Variants in LRRN1 observed in about 807,000 individuals in gnomAD.
LRRN1 encodes leucine-rich repeat neuronal protein 1.
Under a neutral mutation model 45.8 loss-of-function variants are expected in LRRN1, and 14 were observed. The observed-to-expected ratio is 0.31, with a 90% CI of 0.20 to 0.48. LRRN1 has a LOEUF of 0.48. LRRN1 is among the 20% of genes least tolerant of loss of function. The probability of loss-of-function intolerance (pLI) is 0.99; values close to 1 mark genes in which losing one functional copy is unlikely to be tolerated. For synonymous variants in LRRN1, 359 were observed against 330.1 expected (o/e 1.09, Z -0.95); for missense variants, 789 against 874.2 (o/e 0.90, Z 1.23).
At chr3:3,801,574 C>G (rs914242629) in intron 1 of LRRN1, among the ~76,000 whole-genome samples, 1 of 152,162 alleles carries the variant, frequency 6.6e-6, no homozygotes, top group Non-Finnish European at 1.5e-5. Context: ...TGGCAGATGT[C>G]TGGCCTCATC....
At chr3:3,828,310 A>G (rs1693275721) in intron 1 of LRRN1, among the ~76,000 whole-genome samples, 2 of 152,074 alleles carry the variant, frequency 1.3e-5, no homozygotes. Flanking sequence ...CTGATGTTCC[A>G]GGGCAGGAAG....
At chr3:3,839,367 C>A (rs533853211) in intron 1 of LRRN1, among the ~76,000 whole-genome samples, 7 of 152,114 alleles carry the variant, frequency 4.6e-5, no homozygotes, top group Admixed American at 1.3e-4. Context: ...GCCTTTATGT[C>A]AGTACCACAC....
intron 1 of LRRN1, among the ~76,000 whole-genome samples, chr3:3,840,533 TA>T (rs1230810136): frequency 1.7e-4 from 26 of 152,186 alleles, no homozygotes; most frequent in Non-Finnish European, 3.7e-4. Context: ...AATGTCACAT[TA>T]AAAAAGTTTG....
Position 3,846,937 on chromosome 3 carries a change from T to G in LRRN1, c.*145T>G. 1 of 665,022 alleles carries G rather than the reference T, an allele frequency of 1.5e-6. No homozygotes were observed. The highest frequency in any genetic ancestry group is 3.4e-4 in the Middle Eastern group (1 of 2,926). The allele number at this position is 665,022 out of a possible 1,614,324, so 41.2% of individuals were successfully genotyped here. A position where few individuals can be genotyped will look rare whatever the true frequency, so the allele number is the denominator to read the frequency against. ...AGAGGACGGGTGGATATTTCAAATT[T>G]TTTTAGTATAGCGTATCGCAAGGGT... On this transcript the variant is annotated 3_prime_UTR_variant, in exon 2 of 2. Coordinates refer to ENST00000319331, the MANE Select transcript of LRRN1 (RefSeq NM_020873.7). The surrounding 1 kb of genome is among the most constrained non-coding windows in gnomAD (Gnocchi z 5.7).
intron 1 of LRRN1, among the ~76,000 whole-genome samples, chr3:3,835,709 C>G (rs1387533556): frequency 6.6e-6 from 1 of 151,736 alleles, no homozygotes; most frequent in Non-Finnish European, 1.5e-5. Context: ...CTAAGTCCCA[C>G]CGAATAATGT....
intron 1 of LRRN1, among the ~76,000 whole-genome samples, chr3:3,821,497 C>T (rs1012086592): frequency 3.3e-5 from 5 of 152,160 alleles, no homozygotes; most frequent in African/African-American, 4.8e-5. Flanking sequence ...GTCTTATACA[C>T]TCCCCTTAAG....
chr3:3,840,560 GAGAAT>G (rs1208534624), intron 1 of LRRN1, among the ~76,000 whole-genome samples: 4 of 152,188 alleles, frequency 2.6e-5, no homozygotes, highest in African/African-American at 9.6e-5. Context: ...ATTTGCTAAA[GAGAAT>G]TCAGAATTAA....
At chr3:3,807,012 T>C (rs1224917011) in intron 1 of LRRN1, among the ~76,000 whole-genome samples, 3 of 152,188 alleles carry the variant, frequency 2.0e-5, no homozygotes, top group Admixed American at 6.5e-5. Flanking sequence ...AGCAGCTTCC[T>C]AGACCGTGGA....
rs1418178753 is a variant in LRRN1, at chr3:3,845,972, T to C, written c.1331T>C (p.Phe444Ser). The change falls in exon 2 of 2, where the codon TTC becomes TCC. Residue 444 changes from phenylalanine (F) to serine (S), a missense_variant. Phe to Ser is a radical substitution (Grantham distance 155, BLOSUM62 -2). Transcript: ENST00000319331. This position sits in a 1 kb window ranked among gnomAD's most constrained non-coding sequence, Gnocchi z 6.5. ...RLNVDIGTTV[F>S]LDCRAMAEPE... is the part of the protein sequence containing the mutation. ...AACGTGGATATCGGCACGACGGTTTTCCTAGACTGTCGAGCCATGGCTGAG... is the reference window on the plus strand; with the variant it reads ...AACGTGGATATCGGCACGACGGTTTCCCTAGACTGTCGAGCCATGGCTGAG... 6.2e-7 allele frequency: 1 copy of C among 1,614,104 alleles called. No homozygotes were observed. Among genetic ancestry groups the C allele is most frequent in the Admixed American group, 1.7e-5 (1 of 60,026 alleles).
chr3:3,834,788 C>T (rs1206370906), intron 1 of LRRN1, among the ~76,000 whole-genome samples: 1 of 151,146 alleles, frequency 6.6e-6, no homozygotes, highest in East Asian at 2.0e-4. Flanking sequence ...GGCTGGGAGG[C>T]TAGGCCCATC....
chr3:3,833,540 CT>C (rs1693417361), intron 1 of LRRN1, among the ~76,000 whole-genome samples: 1 of 152,188 alleles, frequency 6.6e-6, no homozygotes, highest in Non-Finnish European at 1.5e-5. Context: ...TCAAACAGTT[CT>C]TTTCTAGTGT....
At chr3:3,832,059 T>C (rs929578516) in intron 1 of LRRN1, among the ~76,000 whole-genome samples, 1 of 152,204 alleles carries the variant, frequency 6.6e-6, no homozygotes, top group Non-Finnish European at 1.5e-5. Flanking sequence ...TCTGCTGCAA[T>C]TGGAGTCACG....
intron 1 of LRRN1, chr3:3,827,346 G>A (rs977222077): frequency 5.4e-5 from 22 of 407,054 alleles, no homozygotes; most frequent in Non-Finnish European, 7.0e-5. Context: ...CCCTTGTTAA[G>A]TATCACAATC....
intron 1 of LRRN1, among the ~76,000 whole-genome samples, chr3:3,841,672 C>T (rs1693656584): frequency 6.6e-6 from 1 of 152,064 alleles, no homozygotes; most frequent in African/African-American, 2.4e-5. Context: ...GCACGTACCA[C>T]CACGCCTAGC....
chr3:3,846,498 C>T lies in LRRN1; in HGVS notation c.1857C>T (p.Phe619=), dbSNP rs139492205. 1.9e-4 allele frequency: 308 copies of T among 1,614,042 alleles called. No individual in the cohort carries two copies. Among genetic ancestry groups the T allele is most frequent in the Non-Finnish European group, 2.5e-4 (290 of 1,180,034 alleles). ...ATGTCACAACCAAAAATGCCGCCTTCGCAGTGGACATCTCTGATCAAGAAA... is the reference window on the plus strand; with the variant it reads ...ATGTCACAACCAAAAATGCCGCCTTTGCAGTGGACATCTCTGATCAAGAAA... The part of the protein sequence containing the change: ...CVNVTTKNAA[F]AVDISDQETS... The change falls in exon 2 of 2, where the codon TTC becomes TTT. Residue 619 remains phenylalanine (F), a synonymous_variant. Transcript: ENST00000319331. The surrounding 1 kb of genome is among the most constrained non-coding windows in gnomAD (Gnocchi z 5.7).
chr3:3,826,850 C>G lies in LRRN1; in HGVS notation c.-278-17514C>G, dbSNP rs146671319. Among the ~76,000 whole-genome samples, 841 of 152,276 alleles carry G rather than the reference C, an allele frequency of 5.5e-3. 11 individuals carry two copies. The highest frequency in any genetic ancestry group is 0.02 in the African/African-American group (811 of 41,574). On this transcript the variant is annotated intron_variant, in intron 1 of 1. Coordinates refer to ENST00000319331, the MANE Select transcript of LRRN1 (RefSeq NM_020873.7). ...GTTCAGATCGTATGTGCAAGGCCCT[C>G]TTTCCTTCCCAAGAGGAATAAAATA...
intron 1 of LRRN1, among the ~76,000 whole-genome samples, chr3:3,809,278 G>T (rs1692828125): frequency 6.6e-6 from 1 of 152,038 alleles, no homozygotes; most frequent in Non-Finnish European, 1.5e-5. Flanking sequence ...TGTGTAGCTG[G>T]GATCACAGGT....
intron 1 of LRRN1, among the ~76,000 whole-genome samples, chr3:3,827,000 C>T (rs1311104146): frequency 1.2e-4 from 18 of 152,102 alleles, no homozygotes; most frequent in Admixed American, 4.6e-4. Context: ...CTGATTTCAA[C>T]GATCTATGCC....
At position 3,813,598 on chromosome 3, in the gene LRRN1, A is replaced by G. The variant is rs559454963; in HGVS notation, c.-279+13679A>G. On this transcript the variant is annotated intron_variant, in intron 1 of 1. Transcript: ENST00000319331. Reference sequence around the variant, plus strand: ...TGAGATCTTAAGTCTTCTACTTACTAGATTATGAGAAAAACTCCCAAATTT... The same window carrying G: ...TGAGATCTTAAGTCTTCTACTTACTGGATTATGAGAAAAACTCCCAAATTT... Among the ~76,000 whole-genome samples the G allele has an allele frequency of 3.6e-4, 55 of 152,186 alleles. 1 individual carries two copies. In the South Asian group the frequency reaches 0.011, roughly 32 times the overall value.
Sources: allele counts gnomAD v4.1 joint callset (sites outside exome capture counted in the v4.1 genomes callset), GRCh38; gene constraint gnomAD v4.1.1; non-coding constraint Gnocchi (gnomAD v3.1); transcripts MANE v1.5; gene names NCBI Gene and HGNC (gene_info 2026-07-23, HGNC 2026-07-21).